The following SAMMSON variants were observed in gnomAD, a reference collection of about 807,000 sequenced individuals.
SAMMSON encodes the protein long intergenic non-protein coding RNA 1212.
At chr3:70,377,616 A>G (rs1293787160) in intron 9 of SAMMSON, among the ~76,000 whole-genome samples, 5 of 152,162 alleles carry the variant, frequency 3.3e-5, no homozygotes, top group African/African-American at 4.8e-5. Flanking sequence ...ACTCAGAGCC[A>G]TAAAAGAAAA....
chr3:70,235,290 G>A (rs1478780620), intron 4 of SAMMSON, among the ~76,000 whole-genome samples: 1 of 152,070 alleles, frequency 6.6e-6, no homozygotes, highest in Non-Finnish European at 1.5e-5. Flanking sequence ...ATTCTTAGGT[G>A]TACTAGAGAC....
At chr3:70,377,299 A>G (rs1407580354) in intron 9 of SAMMSON, among the ~76,000 whole-genome samples, 2 of 152,150 alleles carry the variant, frequency 1.3e-5, no homozygotes, top group Non-Finnish European at 2.9e-5. Context: ...AGGTATTAAC[A>G]TAGAAAGAGA....
chr3:70,167,792 G>A (rs533702372), intron 4 of SAMMSON, among the ~76,000 whole-genome samples: 4 of 152,096 alleles, frequency 2.6e-5, no homozygotes, highest in South Asian at 2.1e-4. Context: ...AATGGGCCAC[G>A]CTGGAGATGA....
At chr3:70,367,300 A>T (rs989769298) in intron 9 of SAMMSON, among the ~76,000 whole-genome samples, 22 of 151,676 alleles carry the variant, frequency 1.5e-4, no homozygotes, top group African/African-American at 3.9e-4. Flanking sequence ...CCATTAATCA[A>T]TCTTTTTTTA....
chr3:70,067,012 C>T (rs2067212224), intron 3 of SAMMSON, among the ~76,000 whole-genome samples: 2 of 152,092 alleles, frequency 1.3e-5, no homozygotes. Flanking sequence ...TTTTCCCCTT[C>T]ATTCTCAGTC....
chr3:70,122,858 C>G (rs1006743723), intron 4 of SAMMSON, among the ~76,000 whole-genome samples: 2 of 152,102 alleles, frequency 1.3e-5, no homozygotes, highest in African/African-American at 4.8e-5. Flanking sequence ...AATTGTCTGC[C>G]AAATTTTTCC....
intron 7 of SAMMSON, among the ~76,000 whole-genome samples, chr3:70,324,269 A>T (rs905620275): frequency 4.6e-5 from 7 of 152,054 alleles, no homozygotes; most frequent in African/African-American, 1.7e-4. Flanking sequence ...TGACTGATAG[A>T]GTGCCCATTC....
chr3:70,417,827 C>A (rs995195358), intron 2 of SAMMSON, among the ~76,000 whole-genome samples: 2 of 152,130 alleles, frequency 1.3e-5, no homozygotes, highest in African/African-American at 4.8e-5. Context: ...GGTTACAGGT[C>A]ACCTGGGTTA....
intron 7 of SAMMSON, among the ~76,000 whole-genome samples, chr3:70,296,911 A>G (rs998042916): frequency 1.3e-5 from 2 of 151,968 alleles, no homozygotes; most frequent in Non-Finnish European, 1.5e-5. Context: ...GTAAACTTTC[A>G]TATGGCTAAT....
At chr3:70,223,175 T>C (rs963493116) in intron 4 of SAMMSON, among the ~76,000 whole-genome samples, 7 of 152,214 alleles carry the variant, frequency 4.6e-5, no homozygotes, top group Non-Finnish European at 8.8e-5. Context: ...AACAGGGTGC[T>C]AACATGTGAA....
intron 4 of SAMMSON, among the ~76,000 whole-genome samples, chr3:70,097,868 T>A (rs539792559): frequency 1.3e-5 from 2 of 152,316 alleles, no homozygotes; most frequent in South Asian, 4.1e-4. Context: ...AACCATTTCA[T>A]AGTTCTTAAA....
At chr3:70,017,800 T>C (rs935637065) in intron 3 of SAMMSON, among the ~76,000 whole-genome samples, 1 of 152,180 alleles carries the variant, frequency 6.6e-6, no homozygotes, top group African/African-American at 2.4e-5. Flanking sequence ...TGAAGCGTTG[T>C]TGAATTTTGT....
At chr3:70,134,743 A>T (rs1453911573) in intron 4 of SAMMSON, among the ~76,000 whole-genome samples, 1 of 152,172 alleles carries the variant, frequency 6.6e-6, no homozygotes, top group Admixed American at 6.5e-5. Context: ...TATTTCTAAA[A>T]CAAATATATG....
chr3:70,095,128 A>AATGG (rs1292543991), intron 4 of SAMMSON, among the ~76,000 whole-genome samples: 1 of 152,182 alleles, frequency 6.6e-6, no homozygotes, highest in African/African-American at 2.4e-5. Flanking sequence ...TAGAGCAAAG[A>AATGG]ATGGAGGTCA....
chr3:70,292,344 T>C (rs571077309), intron 7 of SAMMSON, among the ~76,000 whole-genome samples: 1 of 152,296 alleles, frequency 6.6e-6, no homozygotes, highest in Admixed American at 6.5e-5. Flanking sequence ...GAGCCATTAC[T>C]ATACATATCT....
intron 4 of SAMMSON, among the ~76,000 whole-genome samples, chr3:70,218,744 T>C (rs1054887084): frequency 1.3e-5 from 2 of 152,042 alleles, no homozygotes; most frequent in African/African-American, 4.8e-5. Context: ...ATTTGAGCTA[T>C]AACAATAAAT....
chr3:70,118,041 G>C (rs1025019397), intron 4 of SAMMSON, among the ~76,000 whole-genome samples: 1 of 151,698 alleles, frequency 6.6e-6, no homozygotes, highest in Non-Finnish European at 1.5e-5. Flanking sequence ...CCTCAGCCTC[G>C]CAAGTAGCTG....
At chr3:70,180,817 C>A (rs974204694) in intron 4 of SAMMSON, among the ~76,000 whole-genome samples, 2 of 152,028 alleles carry the variant, frequency 1.3e-5, no homozygotes, top group Non-Finnish European at 2.9e-5. Context: ...TTAAGTGCTG[C>A]GAAGGCTAAG....
At chr3:70,100,546 T>C (rs1374445892) in intron 4 of SAMMSON, among the ~76,000 whole-genome samples, 1 of 89,254 alleles carries the variant, frequency 1.1e-5, no homozygotes. Flanking sequence ...GCACCAAATG[T>C]AGTTTTCTGA....
Sources: gnomAD v4.1 joint callset for allele counts (sites outside exome capture counted in the v4.1 genomes callset) on GRCh38, gnomAD v4.1.1 for gene constraint, MANE v1.5 for transcripts, NCBI Gene and HGNC (gene_info 2026-07-23, HGNC 2026-07-21) for gene names.